EMCN: variants seen among roughly 807,000 people sequenced by gnomAD.
EMCN encodes the protein MUC-14.
A neutral mutation model predicts 38.4 loss-of-function variants in EMCN; 37 were observed. The observed-to-expected ratio is 0.96, with a 90% CI of 0.74 to 1.27. The LOEUF is 1.27. Ranked by LOEUF, EMCN falls within the 50% of genes most tolerant of loss-of-function variation. The pLI is 0.00. For missense variants in EMCN, 318 were observed against 302.8 expected (o/e 1.05, Z -0.37); for synonymous variants, 95 against 100.8 (o/e 0.94, Z 0.35).
At chr4:100,401,182 G>A (rs747762070) in intron 11 of EMCN, among the ~76,000 whole-genome samples, 13 of 152,082 alleles carry the variant, frequency 8.5e-5, no homozygotes, top group African/African-American at 3.1e-4. Flanking sequence ...TATAGAGTAC[G>A]ATCATAATAT....
chr4:100,465,418 C>T lies in EMCN; in HGVS notation c.376+5G>A, dbSNP rs1183762561. ...TAACACTTCAGCACAAATCCTCATACTTACTCTTGGGTTTGGAACTTTGTA... is the reference window on the plus strand; with the variant it reads ...TAACACTTCAGCACAAATCCTCATATTTACTCTTGGGTTTGGAACTTTGTA... On this transcript the variant is annotated splice_donor_5th_base_variant and intron_variant, in intron 4 of 11. Transcript: ENST00000296420. The T allele has an allele frequency of 3.2e-6, 5 of 1,550,930 alleles. No homozygotes were observed.
chr4:100,422,844 A>G (rs960728076), intron 7 of EMCN, among the ~76,000 whole-genome samples, 177 bp downstream of exon 7: 3 of 107,338 alleles, frequency 2.8e-5, no homozygotes, highest in Non-Finnish European at 4.3e-5. Context: ...TTTTGTCATT[A>G]AGACTCACTT....
At chr4:100,421,567 A>G (rs955717786) in intron 7 of EMCN, among the ~76,000 whole-genome samples, 190 bp from the exon 8 acceptor site, 1 of 152,034 alleles carries the variant, frequency 6.6e-6, no homozygotes, top group Non-Finnish European at 1.5e-5. Context: ...TAACCACTTG[A>G]TGTCAGTCTT....
intron 1 of EMCN, among the ~76,000 whole-genome samples, chr4:100,498,085 A>G (rs1434492678): frequency 1.3e-5 from 2 of 152,216 alleles, no homozygotes; most frequent in Non-Finnish European, 2.9e-5. Context: ...AAACAAGAGC[A>G]AAGTTGTCAA....
chr4:100,494,740 G>T (rs905304129), intron 1 of EMCN, among the ~76,000 whole-genome samples: 1 of 151,492 alleles, frequency 6.6e-6, no homozygotes, highest in Admixed American at 6.6e-5. Flanking sequence ...AAGAGCTGAA[G>T]ATAAATGAAT....
intron 5 of EMCN, among the ~76,000 whole-genome samples, chr4:100,443,864 T>C (rs1239082155): frequency 6.6e-6 from 1 of 151,696 alleles, no homozygotes; most frequent in Non-Finnish European, 1.5e-5. Flanking sequence ...GAAAAAGGAG[T>C]TCTCTAGAAG....
At chr4:100,471,105 A>G (rs947479120) in intron 3 of EMCN, among the ~76,000 whole-genome samples, 1 of 151,966 alleles carries the variant, frequency 6.6e-6, no homozygotes, top group Admixed American at 6.6e-5. Flanking sequence ...GGATTCGAGA[A>G]GAATGAAATA....
At chr4:100,448,812 C>CTTCA (rs1727752780) in intron 4 of EMCN, among the ~76,000 whole-genome samples, 1 of 142,282 alleles carries the variant, frequency 7.0e-6, no homozygotes, top group Non-Finnish European at 1.5e-5. Context: ...TCCTTCCTTC[C>CTTCA]TTCCTTCCTT....
At chr4:100,478,385 A>AGAT (rs1208206634) in intron 2 of EMCN, among the ~76,000 whole-genome samples, 6 of 152,358 alleles carry the variant, frequency 3.9e-5, no homozygotes, top group African/African-American at 1.4e-4. Flanking sequence ...AATAAATATC[A>AGAT]GATGATACTA....
chr4:100,403,178 A>T (rs1052340970), intron 11 of EMCN, among the ~76,000 whole-genome samples: 2 of 152,112 alleles, frequency 1.3e-5, no homozygotes, highest in Non-Finnish European at 2.9e-5. Context: ...TTTATCATCC[A>T]TGTAATTGGC....
chr4:100,460,182 T>C (rs1728138860), intron 4 of EMCN, among the ~76,000 whole-genome samples: 1 of 152,192 alleles, frequency 6.6e-6, no homozygotes, highest in Non-Finnish European at 1.5e-5. Context: ...ATTAGTAATG[T>C]TGGGAATATT....
intron 4 of EMCN, among the ~76,000 whole-genome samples, chr4:100,455,682 T>A (rs1296346656): frequency 2.0e-5 from 3 of 152,058 alleles, no homozygotes; most frequent in Non-Finnish European, 4.4e-5. Flanking sequence ...TTCCATGATT[T>A]GATTATGATG....
intron 4 of EMCN, among the ~76,000 whole-genome samples, chr4:100,463,816 A>G (rs2110261846): frequency 6.6e-6 from 1 of 152,276 alleles, no homozygotes; most frequent in East Asian, 1.9e-4. Context: ...ACTTCATTAC[A>G]ATAGCTTTAG....
intron 3 of EMCN, among the ~76,000 whole-genome samples, chr4:100,467,453 C>A (rs1173964197): frequency 1.3e-5 from 2 of 151,586 alleles, no homozygotes; most frequent in African/African-American, 4.8e-5. Context: ...CCGAGGCGGG[C>A]GGATCACGAG....
At chr4:100,470,993 CAAG>C (rs1728461902) in intron 3 of EMCN, among the ~76,000 whole-genome samples, 1 of 151,600 alleles carries the variant, frequency 6.6e-6, no homozygotes, top group Non-Finnish European at 1.5e-5. Flanking sequence ...CACATATTAA[CAAG>C]AAGAATAATC....
At chr4:100,415,810 G>T in intron 10 of EMCN, 88 bp downstream of exon 10, 1 of 875,454 alleles carries the variant, frequency 1.1e-6, no homozygotes, top group East Asian at 2.7e-5. Flanking sequence ...TAGGCCTTTT[G>T]TTTATGTTTC....
At chr4:100,467,389 T>C (rs1049692702) in intron 3 of EMCN, among the ~76,000 whole-genome samples, 1 of 152,202 alleles carries the variant, frequency 6.6e-6, no homozygotes, top group Non-Finnish European at 1.5e-5. Context: ...TATTAAGATA[T>C]GAGAATCGGC....
intron 3 of EMCN, among the ~76,000 whole-genome samples, chr4:100,466,674 T>C (rs1728325498): frequency 6.6e-6 from 1 of 152,168 alleles, no homozygotes. Flanking sequence ...GAGGAAAATA[T>C]GTGAAGTAGA....
intron 1 of EMCN, among the ~76,000 whole-genome samples, chr4:100,510,538 T>C (rs944118121): frequency 6.6e-6 from 1 of 152,214 alleles, no homozygotes; most frequent in African/African-American, 2.4e-5. Context: ...TTCCATTAAC[T>C]CAGCAAAACT....
Sources: gnomAD v4.1 joint callset for allele counts (sites outside exome capture counted in the v4.1 genomes callset) on GRCh38, gnomAD v4.1.1 for gene constraint, MANE v1.5 for transcripts, NCBI Gene and HGNC (gene_info 2026-07-23, HGNC 2026-07-21) for gene names.